The following FYB1 variants were observed in gnomAD, a reference collection of about 807,000 sequenced individuals.
FYB1 encodes the protein FYN binding protein 1, also known as FYN-binding protein 1.
Under a neutral mutation model 94.1 loss-of-function variants are expected in FYB1, and 41 were observed. The ratio of observed to expected loss-of-function variants is 0.44; its 90% CI spans 0.34 to 0.57. The LOEUF (loss-of-function observed/expected upper bound fraction) is 0.57. Among genes scored for constraint, FYB1 ranks in the 20% least tolerant of loss-of-function variants. FYB1 has a pLI of 0.02. For synonymous variants in FYB1, 367 were observed against 353.2 expected (o/e 1.04, Z -0.44); for missense variants, 1,050 against 976.8 (o/e 1.07, Z -1.00).
intron 1 of FYB1, among the ~76,000 whole-genome samples, chr5:39,216,616 G>A (rs1368644168): frequency 1.3e-5 from 2 of 152,204 alleles, no homozygotes; most frequent in Non-Finnish European, 2.9e-5. Context: ...TGTTTGTGCT[G>A]GATTTCTATA....
intron 10 of FYB1, 143 bp from the exon 11 acceptor site, chr5:39,127,950 T>C (rs1740844170): frequency 1.3e-6 from 1 of 781,112 alleles, no homozygotes; most frequent in Non-Finnish European, 1.9e-6. Context: ...AAAAACACTT[T>C]GTTGATTATT....
At chr5:39,175,825 T>G (rs1265097801) in intron 2 of FYB1, among the ~76,000 whole-genome samples, 1 of 152,122 alleles carries the variant, frequency 6.6e-6, no homozygotes, top group Non-Finnish European at 1.5e-5. Flanking sequence ...GTCATTACAA[T>G]AGTGAATAAC....
At chr5:39,201,411 A>C (rs1748301740) in intron 2 of FYB1, among the ~76,000 whole-genome samples, 1 of 152,210 alleles carries the variant, frequency 6.6e-6, no homozygotes, top group Admixed American at 6.5e-5. Flanking sequence ...CTGGGGGTCA[A>C]AATTGTTCCC....
intron 2 of FYB1, chr5:39,169,998 T>C (rs1377641694): frequency 2.8e-6 from 2 of 726,642 alleles, no homozygotes; most frequent in African/African-American, 1.8e-5. Flanking sequence ...TTCACACAAA[T>C]TGGGATGAAG....
At chr5:39,131,615 A>G (rs530200423) in intron 9 of FYB1, among the ~76,000 whole-genome samples, 3 of 152,356 alleles carry the variant, frequency 2.0e-5, no homozygotes, top group Non-Finnish European at 4.4e-5. Flanking sequence ...ATGTCTTCCT[A>G]TATAAATAAG....
In FYB1 at chr5:39,161,782, T is replaced by C. The variant is rs190870233; in HGVS notation, c.1136-8178A>G. Among the ~76,000 whole-genome samples, 3 of 152,300 alleles carry C rather than the reference T, an allele frequency of 2.0e-5. No homozygotes were observed. In the East Asian group the frequency reaches 5.8e-4, roughly 29 times the overall value. On this transcript the variant is annotated intron_variant, in intron 2 of 18. Transcript: ENST00000512982. Reference sequence around the variant, plus strand: ...TACAGTTGTGCAACCAGTACTATAATCTAATTTTAGAATATACACATCACC... The same window carrying C: ...TACAGTTGTGCAACCAGTACTATAACCTAATTTTAGAATATACACATCACC...
rs183667859 is a variant in FYB1 at position 39,123,549 on chromosome 5, G to A, written c.2071+704C>T. 1.9e-4 allele frequency among the ~76,000 whole-genome samples: 29 copies of A among 152,184 alleles called. No individual in the cohort carries two copies. In the East Asian group the frequency reaches 2.1e-3, roughly 11 times the overall value. ...TATTATCAGGCACTGATCAGCTTGA[G>A]TTTGTCCCTTACATATTTTCAAATT... On this transcript the variant is annotated intron_variant, in intron 13 of 18. Coordinates refer to ENST00000512982, the MANE Select transcript of FYB1 (RefSeq NM_001465.6).
chr5:39,133,508 G>A (rs1741389450), intron 9 of FYB1, among the ~76,000 whole-genome samples: 1 of 152,096 alleles, frequency 6.6e-6, no homozygotes, highest in Non-Finnish European at 1.5e-5. Context: ...AGAAGAAGAG[G>A]AGAGATGGAG....
intron 2 of FYB1, chr5:39,170,430 G>T (rs1446535645): frequency 2.3e-6 from 1 of 441,680 alleles, no homozygotes; most frequent in Non-Finnish European, 4.1e-6. Context: ...CTCAGCAGCA[G>T]ACCTGGAGGG....
At chr5:39,215,508 G>T (rs1215342023) in intron 1 of FYB1, among the ~76,000 whole-genome samples, 3 of 152,190 alleles carry the variant, frequency 2.0e-5, no homozygotes, top group Non-Finnish European at 4.4e-5. Flanking sequence ...CCACCCTGCT[G>T]TGCTCCTCTC....
chr5:39,155,315 A>C (rs1743647321), intron 2 of FYB1, among the ~76,000 whole-genome samples: 1 of 152,188 alleles, frequency 6.6e-6, no homozygotes, highest in South Asian at 2.1e-4. Context: ...GAGTCTTAAA[A>C]TCTGCTCAGG....
intron 1 of FYB1, among the ~76,000 whole-genome samples, chr5:39,207,894 C>T (rs1393021588): frequency 1.3e-5 from 2 of 152,160 alleles, no homozygotes; most frequent in African/African-American, 4.8e-5. Context: ...GCACATCTGT[C>T]CTATACGAGA....
intron 2 of FYB1, among the ~76,000 whole-genome samples, chr5:39,192,744 G>A (rs1747473821): frequency 6.6e-6 from 1 of 152,202 alleles, no homozygotes; most frequent in South Asian, 2.1e-4. Context: ...ATGGACTATT[G>A]TTGAGCTAAA....
At chr5:39,180,689 G>T (rs949331556) in intron 2 of FYB1, among the ~76,000 whole-genome samples, 8 of 152,122 alleles carry the variant, frequency 5.3e-5, no homozygotes, top group East Asian at 1.9e-4. Context: ...AAATGTGGTT[G>T]GTATTTCCCA....
intron 3 of FYB1, among the ~76,000 whole-genome samples, chr5:39,146,464 G>C (rs1742668592): frequency 6.6e-6 from 1 of 152,152 alleles, no homozygotes; most frequent in Admixed American, 6.5e-5. Flanking sequence ...TCCTTTTAGA[G>C]AGTTATTAGA....
chr5:39,180,619 A>G (rs1442922214), intron 2 of FYB1, among the ~76,000 whole-genome samples: 1 of 152,166 alleles, frequency 6.6e-6, no homozygotes, highest in African/African-American at 2.4e-5. Flanking sequence ...GTTGAGATGG[A>G]AGCAGAGCTA....
intron 1 of FYB1, among the ~76,000 whole-genome samples, chr5:39,233,569 T>C (rs1177648556): frequency 1.3e-5 from 2 of 152,142 alleles, no homozygotes; most frequent in Non-Finnish European, 2.9e-5. Context: ...AAAATAACAA[T>C]AAATCATTAC....
chr5:39,235,279 T>C (rs1335530451), intron 1 of FYB1, among the ~76,000 whole-genome samples: 9 of 107,028 alleles, frequency 8.4e-5, no homozygotes, highest in Middle Eastern at 4.0e-3. Flanking sequence ...AAGGATCAGC[T>C]TTTTTTTTTT....
At chr5:39,271,034 C>CT (rs1007987360) in intron 1 of FYB1, among the ~76,000 whole-genome samples, 2 of 151,448 alleles carry the variant, frequency 1.3e-5, no homozygotes, top group African/African-American at 2.4e-5. Flanking sequence ...ATAAATAATT[C>CT]TTTTTTTGTA....
Sources: allele counts gnomAD v4.1 joint callset (sites outside exome capture counted in the v4.1 genomes callset), GRCh38; gene constraint gnomAD v4.1.1; transcripts MANE v1.5; gene names NCBI Gene and HGNC (gene_info 2026-07-23, HGNC 2026-07-21).